The following TMEM108 variants were observed in gnomAD, a reference collection of about 807,000 sequenced individuals.
TMEM108 encodes transmembrane protein 108, also known as cancer/testis antigen 124.
A neutral mutation model predicts 35.1 loss-of-function variants in TMEM108; 12 were observed. The ratio of observed to expected loss-of-function variants is 0.34; its 90% confidence interval spans 0.22 to 0.55. The LOEUF (loss-of-function observed/expected upper bound fraction) is 0.55. Among genes scored for constraint, TMEM108 ranks in the 20% least tolerant of loss-of-function variants. The pLI, the probability that TMEM108 is intolerant of heterozygous loss-of-function variation, is 0.89. For synonymous variants in TMEM108, 287 were observed against 308.6 expected, an observed-to-expected ratio of 0.93 and a Z score of 0.73; for missense variants, 680 against 753.3, an observed-to-expected ratio of 0.90 and a Z score of 1.14.
At chr3:133,177,302 C>A (rs1202365894) in intron 2 of TMEM108, among the ~76,000 whole-genome samples, 1 of 152,154 alleles carries the variant, frequency 6.6e-6, no homozygotes, top group Non-Finnish European at 1.5e-5. Flanking sequence ...GGAATCCTCC[C>A]TAACTCATTT....
At chr3:133,153,688 A>G (rs1308352618) in intron 2 of TMEM108, among the ~76,000 whole-genome samples, 6 of 152,174 alleles carry the variant, frequency 3.9e-5, no homozygotes, top group African/African-American at 1.2e-4. Context: ...TTCAGAAAAA[A>G]TCTGCCTTTG....
At chr3:133,172,411 A>G (rs1287084788) in intron 2 of TMEM108, among the ~76,000 whole-genome samples, 1 of 152,232 alleles carries the variant, frequency 6.6e-6, no homozygotes, top group Non-Finnish European at 1.5e-5. Flanking sequence ...TTCTAGTAGA[A>G]TTTGACAATA....
At chr3:133,235,492 A>G (rs1167928574) in intron 3 of TMEM108, among the ~76,000 whole-genome samples, 1 of 152,178 alleles carries the variant, frequency 6.6e-6, no homozygotes, top group African/African-American at 2.4e-5. Context: ...GAGAAAAACA[A>G]GCAATGGGGA....
At chr3:133,224,768 C>T (rs1423714438) in intron 2 of TMEM108, among the ~76,000 whole-genome samples, 3 of 152,134 alleles carry the variant, frequency 2.0e-5, no homozygotes, top group Non-Finnish European at 4.4e-5. Flanking sequence ...TCTTTATCAG[C>T]AACATGAAAG....
rs185804212 is a variant in TMEM108 at position 133,338,251 on chromosome 3, A to G, written c.41-41501A>G. 7.7e-4 allele frequency among the ~76,000 whole-genome samples: 118 copies of G among 152,308 alleles called. 3 individuals are homozygous for G. In the East Asian group the frequency reaches 0.022, roughly 28 times the overall value. On this transcript the variant is annotated intron_variant, in intron 3 of 5. Transcript: ENST00000321871. ...GATATAACCCAAAGAAAGCTACCTCAAGGCATTTAATAATTAAACTCCCAA... is the reference window on the plus strand; with the variant it reads ...GATATAACCCAAAGAAAGCTACCTCGAGGCATTTAATAATTAAACTCCCAA...
chr3:133,318,780 G>T (rs918763703), intron 3 of TMEM108, among the ~76,000 whole-genome samples: 4 of 152,144 alleles, frequency 2.6e-5, no homozygotes, highest in African/African-American at 9.7e-5. Context: ...CTGACATGCA[G>T]CTCCCATTTG....
At chr3:133,336,005 G>A (rs1340876572) in intron 3 of TMEM108, among the ~76,000 whole-genome samples, 1 of 152,212 alleles carries the variant, frequency 6.6e-6, no homozygotes, top group Non-Finnish European at 1.5e-5. Context: ...CATCAAGGGA[G>A]TATTTAAACC....
At chr3:133,386,385 G>C (rs1275375533) in intron 4 of TMEM108, 13 of 1,535,988 alleles carry the variant, frequency 8.5e-6, no homozygotes, top group African/African-American at 1.4e-5. Context: ...GAATCCTCAG[G>C]GGACCTGCAG....
chr3:133,181,027 A>AAAAAAAAC lies in TMEM108; in HGVS notation c.-46-48232_-46-48231insCAAAAAAA, dbSNP rs1559859778. On this transcript the variant is annotated intron_variant, in intron 2 of 5. Coordinates refer to ENST00000321871, the MANE Select transcript of TMEM108 (RefSeq NM_023943.4). ...TTGTGTTAAAAAAAAAAAAAAAAAA[A>AAAAAAAAC]AAAAAAAAAAACAGCACTCCCAAAG... is the stretch of plus-strand genomic sequence containing the variant. Among the ~76,000 whole-genome samples, 31 of 144,924 alleles carry AAAAAAAAC rather than the reference A, an allele frequency of 2.1e-4. 1 individual carries two copies. Among genetic ancestry groups the AAAAAAAAC allele is most frequent in the African/African-American group, 8.3e-4 (30 of 36,222 alleles).
At position 133,388,508 on chromosome 3, in the gene TMEM108, A is replaced by T. The variant is rs1284378420; in HGVS notation, c.1451-1672A>T. 6.1e-6 allele frequency: 6 copies of T among 985,340 alleles called. No homozygotes were observed. The East Asian group carries it at 6.8e-4, about 112-fold the overall frequency. 61.0% of individuals were successfully genotyped at this position (985,340 alleles called of 1,614,324 possible). ...AGGAAGGGAGGGAAAGAGGAAAGAG[A>T]TCCACAATATTTGAAAAGTTCTGTA... is the stretch of plus-strand genomic sequence containing the variant. On this transcript the variant is annotated intron_variant, in intron 4 of 5. Transcript: ENST00000321871.
At chr3:133,375,343 A>G (rs2107827311) in intron 3 of TMEM108, among the ~76,000 whole-genome samples, 1 of 152,328 alleles carries the variant, frequency 6.6e-6, no homozygotes, top group Non-Finnish European at 1.5e-5. Context: ...CAATATGTAG[A>G]TTCCACCCCA....
Position 133,162,432 on chromosome 3 carries a change from A to G in TMEM108, c.-46-66834A>G, listed in dbSNP as rs1003097098. Among the ~76,000 whole-genome samples the G allele has an allele frequency of 4.6e-5, 7 of 152,230 alleles. No homozygotes were observed. The East Asian group carries it at 1.3e-3, about 29-fold the overall frequency. On this transcript the variant is annotated intron_variant, in intron 2 of 5. Coordinates refer to ENST00000321871, the MANE Select transcript of TMEM108 (RefSeq NM_023943.4). ...AGCCTGAGTGAGCAGACCAAGATGA[A>G]AAATGCTCTCATTACACAGTGGTAA...
At chr3:133,180,610 G>A (rs1576366485) in intron 2 of TMEM108, among the ~76,000 whole-genome samples, 2 of 152,038 alleles carry the variant, frequency 1.3e-5, no homozygotes, top group South Asian at 4.2e-4. Flanking sequence ...TTTAATATGT[G>A]TTTAAATGAA....
chr3:133,334,948 C>T (rs1373097452), intron 3 of TMEM108, among the ~76,000 whole-genome samples: 1 of 152,014 alleles, frequency 6.6e-6, no homozygotes, highest in Non-Finnish European at 1.5e-5. Flanking sequence ...TGGGTAAGCC[C>T]TTTATCAAGC....
intron 2 of TMEM108, among the ~76,000 whole-genome samples, chr3:133,086,924 A>G (rs911598541): frequency 6.6e-5 from 10 of 152,246 alleles, no homozygotes; most frequent in African/African-American, 2.4e-4. Context: ...ATAGTTTTAC[A>G]TCACAAAATG....
At chr3:133,327,732 A>G (rs974345691) in intron 3 of TMEM108, among the ~76,000 whole-genome samples, 6 of 152,126 alleles carry the variant, frequency 3.9e-5, no homozygotes, top group African/African-American at 1.4e-4. Context: ...CTGAATGGAA[A>G]GAGCAGAGGT....
chr3:133,308,164 CTG>C (rs2071070684), intron 3 of TMEM108, among the ~76,000 whole-genome samples: 1 of 152,092 alleles, frequency 6.6e-6, no homozygotes, highest in East Asian at 1.9e-4. Flanking sequence ...CTCTGTTTGT[CTG>C]TTATTGACGT....
intron 4 of TMEM108, among the ~76,000 whole-genome samples, chr3:133,382,546 C>T (rs6807356): frequency 0.36 from 54,676 of 152,108 alleles, 10,156 homozygotes; most frequent in East Asian, 0.47. Flanking sequence ...TGTCTGGCTA[C>T]GGAAGAGGGA....
At chr3:133,352,140 T>C (rs1180669127) in intron 3 of TMEM108, among the ~76,000 whole-genome samples, 2 of 152,208 alleles carry the variant, frequency 1.3e-5, no homozygotes, top group Non-Finnish European at 2.9e-5. Flanking sequence ...CTAACAGGCA[T>C]GGTAACTAAA....
Sources: allele counts gnomAD v4.1 joint callset (sites outside exome capture counted in the v4.1 genomes callset), GRCh38; gene constraint gnomAD v4.1.1; transcripts MANE v1.5; gene names NCBI Gene and HGNC (gene_info 2026-07-23, HGNC 2026-07-21).